The following ACVR2A variants were observed in gnomAD, a reference collection of about 807,000 sequenced individuals.
The protein encoded by ACVR2A is activin receptor type-2A.
A neutral mutation model predicts 61.4 loss-of-function variants in ACVR2A; 7 were observed. The observed-to-expected ratio is 0.11, with a 90% CI of 0.06 to 0.21. ACVR2A has a LOEUF of 0.21. ACVR2A is among the 10% of genes least tolerant of loss of function. ACVR2A has a pLI of 1.00. For missense variants in ACVR2A, 322 were observed against 621.7 expected (o/e 0.52, Z 5.13); for synonymous variants, 193 against 208.3 (o/e 0.93, Z 0.63).
rs758019384 is a variant in ACVR2A at position 147,899,517 on chromosome 2, A to G, written c.323A>G (p.Asn108Ser). Residue 108 changes from asparagine (N) to serine (S), a missense_variant, in exon 3 of 11, where the codon AAT becomes AGT. Asn to Ser is a conservative substitution (Grantham distance 46). This residue lies in a region of ACVR2A where 142 missense variants were observed against 200.3 expected (regional missense o/e 0.71). Coordinates refer to ENST00000241416, the MANE Select transcript of ACVR2A (RefSeq NM_001616.5). Reference protein sequence around the residue: ...PEVYFCCCEGNMCNEKFSYFP... With the variant: ...PEVYFCCCEGSMCNEKFSYFP... ...GTATATTTTTGTTGCTGTGAGGGCA[A>G]TATGTGTAATGAAAAGTTTTCTTAT... is the stretch of plus-strand genomic sequence containing the variant. 22 of 1,613,388 alleles carry G rather than the reference A, an allele frequency of 1.4e-5. No homozygotes were observed. In the Admixed American group the frequency reaches 1.8e-4, roughly 13 times the overall value.
chr2:147,903,732 T>TG (rs1686925698), intron 4 of ACVR2A, among the ~76,000 whole-genome samples: 1 of 151,972 alleles, frequency 6.6e-6, no homozygotes, highest in African/African-American at 2.4e-5. Context: ...AAATAGTGCT[T>TG]GGGTCATTCT....
At chr2:147,896,692 A>G (rs1686740693) in intron 2 of ACVR2A, 184 bp downstream of exon 2, 5 of 570,744 alleles carry the variant, frequency 8.8e-6, no homozygotes, top group African/African-American at 1.9e-5. Flanking sequence ...TAAACATGGC[A>G]TATATATGTT....
rs951076943 is a variant in ACVR2A at position 147,865,006 on chromosome 2, C to A, written c.55+19799C>A. 3.3e-5 allele frequency among the ~76,000 whole-genome samples: 5 copies of A among 151,502 alleles called. No individual in the cohort carries two copies. In the South Asian group the frequency reaches 8.3e-4, roughly 25 times the overall value. On this transcript the variant is annotated intron_variant, in intron 1 of 10. Coordinates refer to ENST00000241416, the MANE Select transcript of ACVR2A (RefSeq NM_001616.5). ...TACTAAAATTAATGATATCTGACAC[C>A]AAGTGACTTTTTTTTTTTGGGAGGC...
chr2:147,924,197 G>A (rs1687449721), intron 9 of ACVR2A, among the ~76,000 whole-genome samples: 1 of 152,068 alleles, frequency 6.6e-6, no homozygotes, highest in Non-Finnish European at 1.5e-5. Context: ...ATTTATGGAA[G>A]CAGAAGTAGG....
chr2:147,845,288 T>C, intron 1 of ACVR2A, 81 bp downstream of exon 1: 1 of 1,382,678 alleles, frequency 7.2e-7, no homozygotes, highest in Non-Finnish European at 9.9e-7. Context: ...TGGTGTTGAG[T>C]CGGAGAGTCC....
chr2:147,865,822 A>C (rs1685838408), intron 1 of ACVR2A, among the ~76,000 whole-genome samples: 2 of 152,214 alleles, frequency 1.3e-5, no homozygotes, highest in South Asian at 4.1e-4. Context: ...GTAAACTAGC[A>C]TTTATGCAGC....
At chr2:147,923,831 T>C (rs914834073) in intron 9 of ACVR2A, among the ~76,000 whole-genome samples, 1 of 152,110 alleles carries the variant, frequency 6.6e-6, no homozygotes, top group Non-Finnish European at 1.5e-5. Context: ...AATTTATAAT[T>C]GCCTAAAAAC....
At chr2:147,922,303 C>T (rs1346319690) in intron 8 of ACVR2A, among the ~76,000 whole-genome samples, 1 of 152,006 alleles carries the variant, frequency 6.6e-6, no homozygotes, top group Non-Finnish European at 1.5e-5. Flanking sequence ...GCGTTATGGA[C>T]GTACCAATAT....
chr2:147,863,527 GTATGT>G (rs1685777725), intron 1 of ACVR2A, among the ~76,000 whole-genome samples: 1 of 151,988 alleles, frequency 6.6e-6, no homozygotes. Flanking sequence ...CGCATGTTTT[GTATGT>G]TATATGTGTT....
intron 1 of ACVR2A, among the ~76,000 whole-genome samples, chr2:147,871,336 C>T (rs576094799): frequency 4.6e-5 from 7 of 152,076 alleles, no homozygotes; most frequent in South Asian, 2.1e-4. Context: ...TGGTTGAATA[C>T]GCTTTATTGT....
chr2:147,869,213 T>A (rs894118035), intron 1 of ACVR2A, among the ~76,000 whole-genome samples: 2 of 152,216 alleles, frequency 1.3e-5, no homozygotes, highest in Non-Finnish European at 2.9e-5. Flanking sequence ...TTTGTTTCCT[T>A]TTGGCTGGTA....
In ACVR2A at chr2:147,917,235, T is replaced by C. The variant is rs143219310; in HGVS notation, c.673-48T>C. The C allele has an allele frequency of 3.9e-4, 618 of 1,575,812 alleles. 1 individual carries two copies. Among genetic ancestry groups the C allele is most frequent in the Non-Finnish European group, 5.1e-4 (595 of 1,156,694 alleles). ...GAGTAATCTCTTATGCATGGTTTATTAAACCTGTATTCCTTGTGTTCTTAC... is the reference window on the plus strand; with the variant it reads ...GAGTAATCTCTTATGCATGGTTTATCAAACCTGTATTCCTTGTGTTCTTAC... On this transcript the variant is annotated intron_variant, in intron 5 of 10. Transcript: ENST00000241416.
intron 1 of ACVR2A, among the ~76,000 whole-genome samples, chr2:147,858,002 C>G (rs900481490): frequency 5.9e-5 from 9 of 151,972 alleles, no homozygotes; most frequent in African/African-American, 1.9e-4. Flanking sequence ...CCCAGTGTTC[C>G]CCTCTATGTG....
intron 7 of ACVR2A, among the ~76,000 whole-genome samples, chr2:147,919,925 G>A (rs1204331050): frequency 1.3e-5 from 2 of 152,102 alleles, no homozygotes; most frequent in Non-Finnish European, 2.9e-5. Flanking sequence ...ATTAACAGTA[G>A]TTTTATGATT....
chr2:147,854,976 G>T (rs1399255864), intron 1 of ACVR2A, among the ~76,000 whole-genome samples: 1 of 152,094 alleles, frequency 6.6e-6, no homozygotes, highest in Non-Finnish European at 1.5e-5. Flanking sequence ...CAGCCTTCCA[G>T]TTCAAGTGAT....
chr2:147,910,522 C>T (rs1173858031), intron 4 of ACVR2A, among the ~76,000 whole-genome samples: 2 of 152,156 alleles, frequency 1.3e-5, no homozygotes, highest in African/African-American at 2.4e-5. Flanking sequence ...GGAAGAAAAT[C>T]TAGAAGGAAG....
At chr2:147,906,440 G>C (rs990478576) in intron 4 of ACVR2A, among the ~76,000 whole-genome samples, 2 of 152,112 alleles carry the variant, frequency 1.3e-5, no homozygotes, top group African/African-American at 2.4e-5. Context: ...TTTGACTGTA[G>C]CCTGGAAATG....
At chr2:147,903,643 T>C (rs987838673) in intron 4 of ACVR2A, among the ~76,000 whole-genome samples, 4 of 151,998 alleles carry the variant, frequency 2.6e-5, no homozygotes, top group Admixed American at 2.0e-4. Context: ...TTTGGTACTT[T>C]CTTCCCATTA....
intron 1 of ACVR2A, among the ~76,000 whole-genome samples, chr2:147,887,784 G>A (rs750645719): frequency 2.0e-5 from 3 of 152,090 alleles, no homozygotes; most frequent in African/African-American, 4.8e-5. Context: ...GTAGAAGAAC[G>A]TATATAGACA....
Sources: allele counts gnomAD v4.1 joint callset (sites outside exome capture counted in the v4.1 genomes callset), GRCh38; gene constraint gnomAD v4.1.1; regional missense constraint gnomAD v4.1.1; transcripts MANE v1.5; gene names NCBI Gene and HGNC (gene_info 2026-07-23, HGNC 2026-07-21).